Variants in KCNH8 observed in about 807,000 individuals in gnomAD.
KCNH8 encodes potassium voltage-gated channel subfamily H member 8.
A neutral mutation model predicts 103.6 loss-of-function variants in KCNH8; 70 were observed. The ratio of observed to expected loss-of-function variants is 0.68; its 90% CI spans 0.56 to 0.82. The LOEUF is 0.82. Ranked by LOEUF, KCNH8 falls within the 40% of genes least tolerant of loss-of-function variation. The pLI is 0.00. For missense variants in KCNH8, 1,217 were observed against 1,329.9 expected (o/e 0.92, Z 1.32); for synonymous variants, 498 against 489.4 (o/e 1.02, Z -0.23).
intron 7 of KCNH8, among the ~76,000 whole-genome samples, chr3:19,418,115 G>A (rs2066890859): frequency 6.6e-6 from 1 of 152,154 alleles, no homozygotes; most frequent in African/African-American, 2.4e-5. Context: ...GGCTTCAAAA[G>A]GTGAGTATTA....
chr3:19,481,122 G>C (rs1180150436), intron 11 of KCNH8, among the ~76,000 whole-genome samples: 1 of 152,050 alleles, frequency 6.6e-6, no homozygotes, highest in Non-Finnish European at 1.5e-5. Context: ...GGTCTCAGTA[G>C]GCTAGCCCTC....
At chr3:19,419,634 A>G (rs1007050086) in intron 7 of KCNH8, among the ~76,000 whole-genome samples, 1 of 152,066 alleles carries the variant, frequency 6.6e-6, no homozygotes, top group African/African-American at 2.4e-5. Context: ...CAGGAAAGAT[A>G]GAAACAAAAC....
At chr3:19,398,374 G>A (rs1402673868) in intron 7 of KCNH8, among the ~76,000 whole-genome samples, 1 of 151,926 alleles carries the variant, frequency 6.6e-6, no homozygotes, top group African/African-American at 2.4e-5. Context: ...GTTTTAAAGG[G>A]TGAATAGGCC....
intron 7 of KCNH8, among the ~76,000 whole-genome samples, chr3:19,398,323 CT>C (rs2066556011): frequency 1.3e-5 from 2 of 151,990 alleles, no homozygotes; most frequent in South Asian, 4.1e-4. Context: ...GGCACTAAAT[CT>C]AACTAGAATA....
chr3:19,273,661 A>G (rs1303975881), intron 2 of KCNH8, among the ~76,000 whole-genome samples: 1 of 152,188 alleles, frequency 6.6e-6, no homozygotes, highest in Non-Finnish European at 1.5e-5. Flanking sequence ...AGCTTTGTGA[A>G]TGAGGTCAGA....
chr3:19,468,139 T>C (rs980018786), intron 11 of KCNH8, among the ~76,000 whole-genome samples: 2 of 152,244 alleles, frequency 1.3e-5, no homozygotes, highest in Non-Finnish European at 2.9e-5. Context: ...AATATTATTT[T>C]AATTTGTATA....
At chr3:19,300,862 T>C (rs1196961958) in intron 3 of KCNH8, among the ~76,000 whole-genome samples, 7 of 151,690 alleles carry the variant, frequency 4.6e-5, no homozygotes, top group African/African-American at 1.7e-4. Flanking sequence ...TTAACTCCTT[T>C]TAGTTTTATT....
At chr3:19,162,692 T>G (rs2063245673) in intron 1 of KCNH8, among the ~76,000 whole-genome samples, 1 of 152,114 alleles carries the variant, frequency 6.6e-6, no homozygotes, top group Admixed American at 6.6e-5. Context: ...AAATTTAAGT[T>G]CCGTACTGAT....
intron 1 of KCNH8, among the ~76,000 whole-genome samples, chr3:19,237,615 T>C (rs1490334302): frequency 6.6e-6 from 1 of 152,160 alleles, no homozygotes; most frequent in Admixed American, 6.5e-5. Context: ...AATGAATAAT[T>C]AGGGTCATGT....
chr3:19,248,481 A>G (rs2064233959), intron 1 of KCNH8, among the ~76,000 whole-genome samples: 1 of 152,226 alleles, frequency 6.6e-6, no homozygotes, highest in Non-Finnish European at 1.5e-5. Context: ...TTTTTAATGT[A>G]TAATCTCTAG....
chr3:19,358,694 A>G (rs1327812861), intron 5 of KCNH8, among the ~76,000 whole-genome samples: 1 of 151,982 alleles, frequency 6.6e-6, no homozygotes, highest in Non-Finnish European at 1.5e-5. Context: ...TTTTAAATAC[A>G]TAGAAACCAA....
intron 3 of KCNH8, among the ~76,000 whole-genome samples, chr3:19,325,593 A>G (rs2065411730): frequency 6.6e-6 from 1 of 152,218 alleles, no homozygotes; most frequent in Admixed American, 6.5e-5. Context: ...AAAGCTCAAC[A>G]TCACTTATCA....
intron 1 of KCNH8, among the ~76,000 whole-genome samples, chr3:19,206,611 G>C (rs1431373043): frequency 6.6e-6 from 1 of 151,912 alleles, no homozygotes; most frequent in Non-Finnish European, 1.5e-5. Context: ...GGGGGCTGGG[G>C]TGTTATCCTG....
At chr3:19,225,671 T>C (rs1017752169) in intron 1 of KCNH8, among the ~76,000 whole-genome samples, 4 of 152,222 alleles carry the variant, frequency 2.6e-5, no homozygotes, top group Non-Finnish European at 4.4e-5. Context: ...TGGTACGTTT[T>C]GTTCATGTGA....
chr3:19,311,599 G>A (rs890319570), intron 3 of KCNH8, among the ~76,000 whole-genome samples: 3 of 151,712 alleles, frequency 2.0e-5, no homozygotes, highest in East Asian at 3.9e-4. Flanking sequence ...CTGAGAGGGA[G>A]GGATCCACTA....
At chr3:19,455,849 A>C (rs916740505) in intron 10 of KCNH8, among the ~76,000 whole-genome samples, 1 of 152,068 alleles carries the variant, frequency 6.6e-6, no homozygotes, top group Admixed American at 6.6e-5. Context: ...TATTGCAGAC[A>C]CTAGTTGCTT....
At chr3:19,520,448 A>G (rs2068952634) in intron 15 of KCNH8, among the ~76,000 whole-genome samples, 1 of 151,994 alleles carries the variant, frequency 6.6e-6, no homozygotes, top group South Asian at 2.1e-4. Flanking sequence ...GTGCATAAAA[A>G]CCCACTAAGA....
At chr3:19,480,470 A>G (rs1172520313) in intron 11 of KCNH8, among the ~76,000 whole-genome samples, 3 of 152,212 alleles carry the variant, frequency 2.0e-5, no homozygotes, top group Non-Finnish European at 2.9e-5. Context: ...CCCAACTACA[A>G]TAATTAGTGG....
chr3:19,468,310 G>C (rs898663886), intron 11 of KCNH8, among the ~76,000 whole-genome samples: 7 of 152,212 alleles, frequency 4.6e-5, no homozygotes, highest in Middle Eastern at 6.8e-3. Context: ...AGTTTACTTT[G>C]GTGCCTGGAA....
Sources: gnomAD v4.1 joint callset for allele counts (sites outside exome capture counted in the v4.1 genomes callset) on GRCh38, gnomAD v4.1.1 for gene constraint, MANE v1.5 for transcripts, NCBI Gene and HGNC (gene_info 2026-07-23, HGNC 2026-07-21) for gene names.